The following KIAA1328 variants were observed in gnomAD, a reference collection of about 807,000 sequenced individuals.
KIAA1328 encodes the protein protein hinderin.
Under a neutral mutation model 68.1 loss-of-function variants are expected in KIAA1328, and 52 were observed. The ratio of observed to expected loss-of-function variants is 0.76; its 90% CI spans 0.61 to 0.96. The LOEUF (loss-of-function observed/expected upper bound fraction) is 0.96. KIAA1328 is among the 40% of genes least tolerant of loss of function. KIAA1328 has a pLI of 0.00. For missense variants in KIAA1328, 641 were observed against 677.6 expected, an observed-to-expected ratio of 0.95 and a Z score of 0.60; for synonymous variants, 232 against 239.4, an observed-to-expected ratio of 0.97 and a Z score of 0.28.
chr18:37,028,384 T>A (rs2054681277), intron 6 of KIAA1328, among the ~76,000 whole-genome samples: 2 of 152,204 alleles, frequency 1.3e-5, no homozygotes, highest in Non-Finnish European at 2.9e-5. Flanking sequence ...ATATTGAATT[T>A]GTATCCTGAA....
chr18:37,146,457 A>G (rs920491061), intron 7 of KIAA1328, among the ~76,000 whole-genome samples: 1 of 152,174 alleles, frequency 6.6e-6, no homozygotes, highest in South Asian at 2.1e-4. Context: ...TCTGTGGTAT[A>G]TATGTACCAC....
chr18:37,158,252 C>T (rs914510947), intron 7 of KIAA1328, among the ~76,000 whole-genome samples: 3 of 152,018 alleles, frequency 2.0e-5, no homozygotes, highest in Non-Finnish European at 2.9e-5. Flanking sequence ...ATGCCCAGTC[C>T]GATCTCAAAT....
At chr18:36,848,223 A>C (rs751448737) in intron 4 of KIAA1328, among the ~76,000 whole-genome samples, 1 of 151,178 alleles carries the variant, frequency 6.6e-6, no homozygotes, top group African/African-American at 2.4e-5. Context: ...AAGTATTTAA[A>C]TTTTCTTTAA....
At chr18:37,109,606 A>T (rs994141909) in intron 7 of KIAA1328, among the ~76,000 whole-genome samples, 3 of 152,220 alleles carry the variant, frequency 2.0e-5, no homozygotes, top group African/African-American at 7.2e-5. Context: ...GTTAGAAAGC[A>T]TTATCTATAG....
intron 7 of KIAA1328, among the ~76,000 whole-genome samples, chr18:37,151,218 A>G (rs2059021297): frequency 6.6e-6 from 1 of 152,206 alleles, no homozygotes; most frequent in Non-Finnish European, 1.5e-5. Flanking sequence ...TAAATTTAGC[A>G]AAAGAAGCAA....
At chr18:36,848,093 T>G (rs986995458) in intron 4 of KIAA1328, among the ~76,000 whole-genome samples, 1 of 151,706 alleles carries the variant, frequency 6.6e-6, no homozygotes, top group Non-Finnish European at 1.5e-5. Flanking sequence ...TAGAATCAGC[T>G]TGTCAATTTC....
chr18:37,172,422 G>A (rs2059518052), intron 8 of KIAA1328, among the ~76,000 whole-genome samples: 1 of 152,180 alleles, frequency 6.6e-6, no homozygotes, highest in Non-Finnish European at 1.5e-5. Flanking sequence ...GCCAAGTCAG[G>A]CAGTTCCTGG....
chr18:36,859,924 C>CT (rs149471340), intron 4 of KIAA1328, among the ~76,000 whole-genome samples: 51 of 136,516 alleles, frequency 3.7e-4, no homozygotes, highest in African/African-American at 6.0e-4. Flanking sequence ...TTTTCATTTC[C>CT]TTTTTTTTTT....
chr18:36,838,077 T>C (rs2046739953), intron 3 of KIAA1328, among the ~76,000 whole-genome samples: 1 of 152,234 alleles, frequency 6.6e-6, no homozygotes, highest in Non-Finnish European at 1.5e-5. Flanking sequence ...TTGATGTTAT[T>C]AGAAACACAG....
At chr18:37,193,760 A>T (rs2059951497) in intron 9 of KIAA1328, 6 of 609,602 alleles carry the variant, frequency 9.8e-6, no homozygotes, top group Non-Finnish European at 1.8e-5. Flanking sequence ...TGTTTTGAAA[A>T]TTTTTGCCTT....
chr18:37,045,762 T>A (rs1321809987), intron 6 of KIAA1328, among the ~76,000 whole-genome samples: 2 of 152,228 alleles, frequency 1.3e-5, no homozygotes, highest in Non-Finnish European at 2.9e-5. Flanking sequence ...TTGACCAAGA[T>A]GTTCAGGCAT....
chr18:36,992,230 C>A (rs2053207704), intron 6 of KIAA1328, among the ~76,000 whole-genome samples: 1 of 152,104 alleles, frequency 6.6e-6, no homozygotes, highest in African/African-American at 2.4e-5. Context: ...CTTTATGCTG[C>A]TTTTGATAAA....
chr18:37,180,955 T>G (rs1288532680), intron 9 of KIAA1328, among the ~76,000 whole-genome samples: 1 of 152,190 alleles, frequency 6.6e-6, no homozygotes, highest in African/African-American at 2.4e-5. Context: ...ATTTATAATA[T>G]ATGTTCATAC....
At chr18:36,952,027 G>A (rs2051179309) in intron 5 of KIAA1328, among the ~76,000 whole-genome samples, 1 of 152,160 alleles carries the variant, frequency 6.6e-6, no homozygotes. Flanking sequence ...TAACATTTGA[G>A]ATCTAGCCCC....
chr18:37,098,468 C>T (rs778988812), intron 7 of KIAA1328, among the ~76,000 whole-genome samples: 50 of 152,222 alleles, frequency 3.3e-4, no homozygotes, highest in African/African-American at 7.2e-4. Context: ...CTGCTGGATT[C>T]GGTTTGCCAG....
At chr18:37,078,709 G>A (rs1335151535) in intron 7 of KIAA1328, among the ~76,000 whole-genome samples, 5 of 150,550 alleles carry the variant, frequency 3.3e-5, no homozygotes, top group Admixed American at 1.3e-4. Context: ...CATTTATGCA[G>A]CCAAAAAACA....
intron 5 of KIAA1328, among the ~76,000 whole-genome samples, chr18:36,927,334 A>T (rs1261693380): frequency 6.6e-6 from 1 of 152,194 alleles, no homozygotes; most frequent in African/African-American, 2.4e-5. Context: ...ATTCTAAAAT[A>T]AAAAGCTTAT....
chr18:37,174,351 C>T (rs1331896261), intron 9 of KIAA1328, among the ~76,000 whole-genome samples: 2 of 150,600 alleles, frequency 1.3e-5, no homozygotes, highest in Admixed American at 6.6e-5. Context: ...ACTAGTTTGC[C>T]GCATCCTTTC....
At chr18:37,143,351 T>C (rs1014444230) in intron 7 of KIAA1328, among the ~76,000 whole-genome samples, 1 of 152,302 alleles carries the variant, frequency 6.6e-6, no homozygotes, top group Non-Finnish European at 1.5e-5. Flanking sequence ...ATAGAAAGAC[T>C]ATTGGTTTTT....
Sources: allele counts gnomAD v4.1 joint callset (sites outside exome capture counted in the v4.1 genomes callset), GRCh38; gene constraint gnomAD v4.1.1; transcripts MANE v1.5; gene names NCBI Gene and HGNC (gene_info 2026-07-23, HGNC 2026-07-21).